The following KASH5 variants were observed in gnomAD, a reference collection of about 807,000 sequenced individuals.
KASH5 encodes protein KASH5.
A neutral mutation model predicts 84.2 loss-of-function variants in KASH5; 72 were observed. The observed-to-expected ratio is 0.85, with a 90% CI of 0.71 to 1.04. The LOEUF (loss-of-function observed/expected upper bound fraction) is 1.04. Ranked by LOEUF, KASH5 falls within the 50% of genes least tolerant of loss-of-function variation. The pLI, the probability that KASH5 is intolerant of heterozygous loss-of-function variation, is 0.00. For missense variants in KASH5, 650 were observed against 701.0 expected (o/e 0.93, Z 0.82); for synonymous variants, 260 against 279.1 (o/e 0.93, Z 0.68).
chr19:49,400,353 C>CTTTT (rs36066335), intron 9 of KASH5, among the ~76,000 whole-genome samples: 1 of 124,212 alleles, frequency 8.1e-6, no homozygotes, highest in Non-Finnish European at 1.6e-5. Flanking sequence ...CTTTTAGTTT[C>CTTTT]TTTTTTTTTT....
chr19:49,405,273 G>A (rs540448800), intron 9 of KASH5, among the ~76,000 whole-genome samples: 95 of 151,784 alleles, frequency 6.3e-4, no homozygotes, highest in Admixed American at 1.2e-3. Flanking sequence ...CCTGGCCAGC[G>A]TGGTGAAACC....
In KASH5 at chr19:49,417,594, A is replaced by T; in HGVS notation, c.*84A>T. Reference sequence around the variant, plus strand: ...CCACTGGGATCCCCATTGTTAGTCCACTGTTGCGCAGGCTTACCCTAGATA... The same window carrying T: ...CCACTGGGATCCCCATTGTTAGTCCTCTGTTGCGCAGGCTTACCCTAGATA... On this transcript the variant is annotated 3_prime_UTR_variant, in exon 20 of 20. Transcript: ENST00000447857. The surrounding 1 kb of genome is among the most constrained non-coding windows in gnomAD (Gnocchi z 5.2). 3 of 1,429,096 alleles carry T rather than the reference A, an allele frequency of 2.1e-6. No homozygotes were observed. The highest frequency in any genetic ancestry group is 2.8e-6 in the Non-Finnish European group (3 of 1,085,832). 88.5% of individuals were successfully genotyped at this position (1,429,096 alleles called of 1,614,324 possible). A position where few individuals can be genotyped will look rare whatever the true frequency, so the allele number is the denominator to read the frequency against.
intron 16 of KASH5, among the ~76,000 whole-genome samples, chr19:49,413,907 G>A (rs574408754): frequency 6.6e-5 from 10 of 152,236 alleles, no homozygotes; most frequent in Non-Finnish European, 1.2e-4. Flanking sequence ...CCTTTATCGC[G>A]TGGGAGCACA....
chr19:49,391,019 G>A, intron 2 of KASH5, 93 bp downstream of exon 2: 1 of 1,376,440 alleles, frequency 7.3e-7, no homozygotes, highest in Non-Finnish European at 1.0e-6. Flanking sequence ...CTTGGGAGAG[G>A]TGGCTGGGGG....
rs112417360 is a variant in KASH5, at chr19:49,409,733, G to C, written c.1147-20G>C. On this transcript the variant is annotated intron_variant, in intron 14 of 19. Transcript: ENST00000447857. ...CCTTAATATGGCTCTCCCTGACCTC[G>C]GAAACAACTTCTGTCCCAGAAACAG... The C allele has an allele frequency of 6.2e-7, 1 of 1,613,390 alleles. No individual in the cohort carries two copies. Among genetic ancestry groups the C allele is most frequent in the Non-Finnish European group, 8.5e-7 (1 of 1,179,686 alleles).
chr19:49,398,180 C>T, intron 7 of KASH5, 37 bp downstream of exon 7: 3 of 1,522,542 alleles, frequency 2.0e-6, no homozygotes, highest in Admixed American at 2.0e-5. Context: ...CCCAGCGCCC[C>T]TGCCTCCGTC....
chr19:49,408,830 T>G lies in KASH5; in HGVS notation c.994-137T>G, dbSNP rs552645753. On this transcript the variant is annotated intron_variant, in intron 12 of 19. Transcript: ENST00000447857. ...CATTCTGTCATGGCTTTCTTCCCCT[T>G]GTCCCTAGGCAGTATGTGTCTGGGG... 68 of 756,484 alleles carry G rather than the reference T, an allele frequency of 9.0e-5. 1 individual carries two copies. In the South Asian group the frequency reaches 1.1e-3, roughly 12 times the overall value. 46.9% of individuals were successfully genotyped at this position (756,484 alleles called of 1,614,324 possible).
At chr19:49,410,486 CTTT>C (rs35379985) in intron 15 of KASH5, among the ~76,000 whole-genome samples, 3 of 136,062 alleles carry the variant, frequency 2.2e-5, no homozygotes, top group East Asian at 2.2e-4. Flanking sequence ...CCATGACTGG[CTTT>C]TTTTTTTTTT....
chr19:49,390,896 G>A lies in KASH5; in HGVS notation c.13G>A (p.Glu5Lys), dbSNP rs1381283591. Reference sequence around the variant, plus strand: ...GCAGGGGTGGCCCATGGACCTGCCCGAGGGCCCGGTGGGTGGCCCCACTGC... The same window carrying A: ...GCAGGGGTGGCCCATGGACCTGCCCAAGGGCCCGGTGGGTGGCCCCACTGC... MDLP[E>K]GPVGGPTAEM... Residue 5 changes from glutamate to lysine, a missense_variant, in exon 2 of 20, where the codon GAG (glutamate) becomes AAG (lysine). Transcript: ENST00000447857. 2 of 1,599,954 alleles carry A rather than the reference G, an allele frequency of 1.3e-6. No individual in the cohort carries two copies. The highest frequency in any genetic ancestry group is 1.7e-6 in the Non-Finnish European group (2 of 1,174,562).
chr19:49,411,715 C>G (rs1385062858), intron 15 of KASH5, among the ~76,000 whole-genome samples: 1 of 152,098 alleles, frequency 6.6e-6, no homozygotes, highest in Non-Finnish European at 1.5e-5. Flanking sequence ...TCTCAGTGCT[C>G]AAGGCCTGAT....
intron 12 of KASH5, chr19:49,408,231 T>C (rs935428477): frequency 5.9e-6 from 1 of 169,212 alleles, no homozygotes; most frequent in Non-Finnish European, 1.3e-5. Flanking sequence ...CTTATCTTTA[T>C]GTGTCTCTGC....
At chr19:49,390,695 G>T (rs528708254) in intron 1 of KASH5, 94 bp from the exon 2 acceptor site, 2 of 559,978 alleles carry the variant, frequency 3.6e-6, no homozygotes, top group Non-Finnish European at 3.1e-6. Flanking sequence ...AACAGGTTGT[G>T]AGGACCCAGA....
intron 9 of KASH5, among the ~76,000 whole-genome samples, chr19:49,406,653 G>A (rs558912083): frequency 1.6e-4 from 24 of 152,312 alleles, no homozygotes; most frequent in African/African-American, 5.5e-4. Context: ...GGGATTACAG[G>A]CGTGAGCCAC....
At chr19:49,400,886 T>C (rs572315839) in intron 9 of KASH5, among the ~76,000 whole-genome samples, 11 of 152,214 alleles carry the variant, frequency 7.2e-5, no homozygotes, top group African/African-American at 2.2e-4. Context: ...TTTTTTTAGA[T>C]TGAAACAAAC....
intron 1 of KASH5, among the ~76,000 whole-genome samples, chr19:49,388,988 G>A (rs950974043): frequency 4.0e-5 from 6 of 151,770 alleles, no homozygotes; most frequent in Admixed American, 2.6e-4. Flanking sequence ...CCCCAGAAAC[G>A]GAGACCCCGA....
At chr19:49,403,580 A>G (rs1974434829) in intron 9 of KASH5, among the ~76,000 whole-genome samples, 1 of 152,194 alleles carries the variant, frequency 6.6e-6, no homozygotes, top group South Asian at 2.1e-4. Context: ...AGGGGTGAGA[A>G]TGGCTGCTGG....
rs761033426 is a variant in KASH5, at chr19:49,398,067, C to T, written c.553C>T (p.Arg185Trp). 12 of 1,613,582 alleles carry T rather than the reference C, an allele frequency of 7.4e-6. No individual in the cohort carries two copies. In the East Asian group the frequency reaches 1.3e-4, roughly 18 times the overall value. The change falls in exon 7 of 20, where the codon CGG becomes TGG. Residue 185 changes from arginine (R) to tryptophan (W), a missense_variant. Arg to Trp is a moderately radical substitution (Grantham distance 101). Transcript: ENST00000447857. ...RLVGENAKLQ[R>W]SMETAEEGSA... Reference sequence around the variant, plus strand: ...GGTTGGGGAGAATGCCAAATTGCAGCGGAGCATGGAGACAGCTGAGGAGGG... The same window carrying T: ...GGTTGGGGAGAATGCCAAATTGCAGTGGAGCATGGAGACAGCTGAGGAGGG...
rs749824522 is a variant in KASH5, at chr19:49,409,290, C to T, written c.1146+7C>T. On this transcript the variant is annotated splice_region_variant and intron_variant, in intron 14 of 19. Transcript: ENST00000447857. ...GATCGAGGCCATTCGACAGGTGGGC[C>T]TAACACCCCTGGAATAAGCTGCAGG... is the stretch of plus-strand genomic sequence containing the variant. 11 of 1,613,046 alleles carry T rather than the reference C, an allele frequency of 6.8e-6. No individual in the cohort carries two copies. Among genetic ancestry groups the T allele is most frequent in the Non-Finnish European group, 8.5e-7 (1 of 1,179,626 alleles).
intron 5 of KASH5, among the ~76,000 whole-genome samples, chr19:49,397,426 A>C (rs1974217308): frequency 6.6e-6 from 1 of 151,990 alleles, no homozygotes; most frequent in Non-Finnish European, 1.5e-5. Flanking sequence ...GTTGGGTGTA[A>C]AGAATGTGGG....
Sources: gnomAD v4.1 joint callset for allele counts (sites outside exome capture counted in the v4.1 genomes callset) on GRCh38, gnomAD v4.1.1 for gene constraint, Gnocchi (gnomAD v3.1) non-coding constraint, MANE v1.5 for transcripts, NCBI Gene and HGNC (gene_info 2026-07-23, HGNC 2026-07-21) for gene names.